ANO4: variants seen among roughly 807,000 people sequenced by gnomAD.
The protein encoded by ANO4 is anoctamin 4.
A neutral mutation model predicts 141.9 loss-of-function variants in ANO4; 69 were observed. The ratio of observed to expected loss-of-function variants is 0.49; its 90% CI spans 0.40 to 0.59. The LOEUF (loss-of-function observed/expected upper bound fraction) is 0.59, where lower values mean the gene tolerates loss of function less well. ANO4 is among the 20% of genes least tolerant of loss of function. ANO4 has a pLI of 0.00. For synonymous variants in ANO4, 350 were observed against 394.3 expected, an observed-to-expected ratio of 0.89 and a Z score of 1.33; for missense variants, 894 against 1,162.2, an observed-to-expected ratio of 0.77 and a Z score of 3.36.
intron 13 of ANO4, among the ~76,000 whole-genome samples, chr12:101,046,479 A>G (rs1395859058): frequency 2.6e-5 from 4 of 152,108 alleles, no homozygotes; most frequent in African/African-American, 9.7e-5. Context: ...GGTATCTACA[A>G]CCTACCTCTC....
At chr12:100,826,633 C>T (rs997853776) in intron 1 of ANO4, among the ~76,000 whole-genome samples, 1 of 152,030 alleles carries the variant, frequency 6.6e-6, no homozygotes, top group Non-Finnish European at 1.5e-5. Context: ...TTATCTTACA[C>T]TGTGCTTGAA....
At chr12:100,758,787 A>C (rs1015151514) in intron 3 of ANO4, among the ~76,000 whole-genome samples, 1 of 152,190 alleles carries the variant, frequency 6.6e-6, no homozygotes, top group Non-Finnish European at 1.5e-5. Context: ...CTCTCTCTGA[A>C]GATTCTGAGG....
chr12:100,956,134 TATC>T (rs759991230), intron 5 of ANO4, among the ~76,000 whole-genome samples: 4 of 152,182 alleles, frequency 2.6e-5, no homozygotes, highest in Non-Finnish European at 5.9e-5. Flanking sequence ...TGCAACCAAA[TATC>T]ATTTAGCCTC....
rs574748253 is a variant in ANO4 at position 100,774,588 on chromosome 12, A to G, written c.358+34483A>G. ...TAGAAGGAAATAGAGTAGAGCACAC[A>G]TCATTCTTTAGTTGACATTTGGAAA... is the stretch of plus-strand genomic sequence containing the variant. On this transcript the variant is annotated intron_variant, in intron 3 of 29. Transcript: ENST00000644049. 4.6e-5 allele frequency among the ~76,000 whole-genome samples: 7 copies of G among 152,354 alleles called. No individual in the cohort carries two copies. The South Asian group carries it at 1.2e-3, about 27-fold the overall frequency.
At chr12:101,061,463 T>C (rs2048342531) in intron 14 of ANO4, among the ~76,000 whole-genome samples, 1 of 152,162 alleles carries the variant, frequency 6.6e-6, no homozygotes, top group South Asian at 2.1e-4. Context: ...CTGGATAATA[T>C]CCTGAAGAGT....
chr12:101,068,746 G>A (rs1040664540), intron 14 of ANO4: 18 of 1,297,240 alleles, frequency 1.4e-5, no homozygotes, highest in Non-Finnish European at 1.9e-5. Context: ...TGTTGCCGAT[G>A]ACTATATTCA....
At chr12:100,842,950 A>C (rs1565927564) in intron 1 of ANO4, among the ~76,000 whole-genome samples, 1 of 152,204 alleles carries the variant, frequency 6.6e-6, no homozygotes, top group Non-Finnish European at 1.5e-5. Flanking sequence ...TTTGTGTCTT[A>C]GTTCATCCTT....
intron 14 of ANO4, 21 bp from the exon 15 acceptor site, chr12:101,079,172 G>T: frequency 6.2e-7 from 1 of 1,608,314 alleles, no homozygotes. Flanking sequence ...AAATGTCTTT[G>T]TCTTTCTCTG....
In ANO4 at chr12:100,726,900, T is replaced by C. The variant is rs190767288; in HGVS notation, c.23-6874T>C. On this transcript the variant is annotated intron_variant, in intron 1 of 29. Coordinates refer to the ANO4 transcript ENST00000644049. ...AAAAAACTTTGAAAAAAATTGGTAA[T>C]TTATACACACACACACACACAGAAA... Among the ~76,000 whole-genome samples the C allele has an allele frequency of 4.6e-5, 7 of 151,232 alleles. No homozygotes were observed. In the East Asian group the frequency reaches 1.3e-3, roughly 29 times the overall value.
exon 2 of ANO4, chr12:100,733,844 C>T (rs975837281): frequency 1.4e-6 from 1 of 701,780 alleles, no homozygotes; most frequent in Non-Finnish European, 2.6e-6. Flanking sequence ...GTTGTGTCAG[C>T]CAGATCACCA....
intron 1 of ANO4, among the ~76,000 whole-genome samples, chr12:100,800,133 C>T (rs1454457954): frequency 6.6e-6 from 1 of 152,168 alleles, no homozygotes; most frequent in African/African-American, 2.4e-5. Context: ...TTCCTATAAA[C>T]ATTTAAAGAA....
intron 2 of ANO4, among the ~76,000 whole-genome samples, chr12:100,909,715 A>G (rs938992395): frequency 6.6e-6 from 1 of 152,214 alleles, no homozygotes; most frequent in Non-Finnish European, 1.5e-5. Flanking sequence ...GAAAGAGCAT[A>G]ATGATAGGAA....
chr12:100,907,220 C>T (rs2040886881), intron 2 of ANO4, among the ~76,000 whole-genome samples: 1 of 152,142 alleles, frequency 6.6e-6, no homozygotes. Context: ...CTGTCATTAT[C>T]CATGTTATTC....
At chr12:100,961,561 A>C (rs892505216) in intron 5 of ANO4, among the ~76,000 whole-genome samples, 18 of 152,248 alleles carry the variant, frequency 1.2e-4, no homozygotes, top group African/African-American at 4.3e-4. Context: ...GCCGATAGAA[A>C]TAATGTAATT....
intron 1 of ANO4, among the ~76,000 whole-genome samples, chr12:100,729,654 A>G (rs1387953210): frequency 3.9e-5 from 6 of 152,164 alleles, no homozygotes; most frequent in Non-Finnish European, 1.5e-5. Flanking sequence ...TAGTTACATG[A>G]TTTTATCATT....
At chr12:100,812,971 A>G (rs894013173) in intron 1 of ANO4, among the ~76,000 whole-genome samples, 8 of 152,188 alleles carry the variant, frequency 5.3e-5, no homozygotes, top group South Asian at 2.1e-4. Flanking sequence ...TCTTTAAGCA[A>G]TCTTTCCTGT....
In ANO4 at chr12:100,939,384, C is replaced by G; in HGVS notation, c.230C>G (p.Ser77Cys). The change falls in exon 4 of 28, where the codon TCT (serine) becomes TGT (cysteine). Residue 77 changes from serine to cysteine, a missense_variant. Ser to Cys is a moderately radical substitution (Grantham distance 112). Coordinates refer to ENST00000392977, the MANE Select transcript of ANO4 (RefSeq NM_001286615.2). ...AGCAGTCCTTGCAAAGATGACGATT[C>G]TCTTCTTCACCCTGGAAACCTGACT... ...AVSSPCKDDDSLLHPGNLTST... is the reference protein window; with the variant it reads ...AVSSPCKDDDCLLHPGNLTST... 1 of 1,613,760 alleles carries G rather than the reference C, an allele frequency of 6.2e-7. No homozygotes were observed. Among genetic ancestry groups the G allele is most frequent in the African/African-American group, 1.3e-5 (1 of 75,016 alleles).
intron 14 of ANO4, 63 bp downstream of exon 14, chr12:101,048,464 G>T (rs1171574163): frequency 7.7e-6 from 11 of 1,435,860 alleles, no homozygotes; most frequent in Non-Finnish European, 1.1e-5. Flanking sequence ...TATTCCTTTA[G>T]AAGTTTCACT....
At chr12:100,973,311 A>G (rs904346037) in intron 6 of ANO4, among the ~76,000 whole-genome samples, 26 of 152,228 alleles carry the variant, frequency 1.7e-4, no homozygotes, top group African/African-American at 6.3e-4. Flanking sequence ...ACATCATTTC[A>G]ACAAAATGTA....
Sources: gnomAD v4.1 joint callset for allele counts (sites outside exome capture counted in the v4.1 genomes callset) on GRCh38, gnomAD v4.1.1 for gene constraint, MANE v1.5 for transcripts, NCBI Gene and HGNC (gene_info 2026-07-23, HGNC 2026-07-21) for gene names.